Variants in SPCS2 observed in about 807,000 individuals in gnomAD.
SPCS2 encodes SPase 25 kDa subunit.
Under a neutral mutation model 22.3 loss-of-function variants are expected in SPCS2, and 3 were observed. The ratio of observed to expected loss-of-function variants is 0.13; its 90% CI spans 0.06 to 0.35. The LOEUF is 0.35. Ranked by LOEUF, SPCS2 falls within the 10% of genes least tolerant of loss-of-function variation. The probability of loss-of-function intolerance (pLI) is 1.00; values close to 1 mark genes in which losing one functional copy is unlikely to be tolerated. For missense variants in SPCS2, 169 were observed against 280.9 expected (o/e 0.60, Z 2.85); for synonymous variants, 67 against 97.2 (o/e 0.69, Z 1.83).
intron 1 of SPCS2, among the ~76,000 whole-genome samples, chr11:74,964,155 C>G (rs938591229): frequency 6.6e-5 from 10 of 152,254 alleles, no homozygotes; most frequent in Non-Finnish European, 8.8e-5. Flanking sequence ...TTCACTATTA[C>G]AGACAATGCT....
chr11:74,955,853 TA>T (rs1948475283), intron 1 of SPCS2, among the ~76,000 whole-genome samples: 1 of 70,734 alleles, frequency 1.4e-5, no homozygotes, highest in South Asian at 3.9e-4. Flanking sequence ...CTAATTAAAA[TA>T]TATATATATA....
chr11:74,960,819 A>G (rs1948509527), intron 1 of SPCS2, among the ~76,000 whole-genome samples: 1 of 152,186 alleles, frequency 6.6e-6, no homozygotes, highest in South Asian at 2.1e-4. Context: ...GATAGTGTAT[A>G]TAAAATACTT....
chr11:74,961,095 G>A (rs1948511534), intron 1 of SPCS2, among the ~76,000 whole-genome samples: 1 of 150,958 alleles, frequency 6.6e-6, no homozygotes, highest in African/African-American at 2.4e-5. Flanking sequence ...ATACAAAAGT[G>A]TATAGTCCCT....
chr11:74,949,824 A>T (rs1223158136), intron 1 of SPCS2, among the ~76,000 whole-genome samples: 2 of 152,166 alleles, frequency 1.3e-5, no homozygotes, highest in Non-Finnish European at 2.9e-5. Flanking sequence ...ACAGATTCCA[A>T]AGTGCTTCTT....
At chr11:74,949,950 T>C (rs1288481354) in intron 1 of SPCS2, among the ~76,000 whole-genome samples, 1 of 152,180 alleles carries the variant, frequency 6.6e-6, no homozygotes, top group African/African-American at 2.4e-5. Flanking sequence ...TTTTCTTTTT[T>C]TCCTGTTGTT....
chr11:74,976,299 A>G (rs1029226627), intron 4 of SPCS2, among the ~76,000 whole-genome samples: 18 of 152,376 alleles, frequency 1.2e-4, no homozygotes, highest in South Asian at 2.1e-4. Flanking sequence ...TGAAGAAAGT[A>G]GTACACATCA....
rs60855711 is a variant in SPCS2, at chr11:74,955,851, A to AATATATATATATATATATATATATATAT, written c.114+6461_114+6488dup. Among the ~76,000 whole-genome samples the AATATATATATATATATATATATATATAT allele has an allele frequency of 3.0e-3, 168 of 55,538 alleles. 16 individuals carry two copies. Among genetic ancestry groups the AATATATATATATATATATATATATATAT allele is most frequent in the East Asian group, 5.1e-3 (6 of 1,172 alleles). 36.4% of individuals were successfully genotyped at this position (55,538 alleles called of 152,430 possible). Reference sequence around the variant, plus strand: ...TACTATTACTTTAATTACTAATTAAAATATATATATATATATATATATATA... The same window carrying AATATATATATATATATATATATATATAT: ...TACTATTACTTTAATTACTAATTAAAATATATATATATATATATATATATATATATATATATATATATATATATATATA... On this transcript the variant is annotated intron_variant, in intron 1 of 4. Coordinates refer to ENST00000263672, the MANE Select transcript of SPCS2 (RefSeq NM_014752.3).
In SPCS2 at chr11:74,949,363, C is replaced by T. The variant is rs1271845392; in HGVS notation, c.78C>T (p.Cys26=). 1.3e-6 allele frequency: 2 copies of T among 1,551,534 alleles called. No homozygotes were observed. The highest frequency in any genetic ancestry group is 1.4e-5 in the African/African-American group (1 of 73,170). ...GTGGGGCTGGTGGTGCTTCCAACTG[C>T]GGGACAGGAAGTGGCCGTAGCGGCT... The part of the protein sequence containing the change: ...GCSGAGGASN[C]GTGSGRSGLL... The change falls in exon 1 of 5, where the codon TGC becomes TGT. Residue 26 remains cysteine (C), a synonymous_variant. Coordinates refer to ENST00000263672, the MANE Select transcript of SPCS2 (RefSeq NM_014752.3).
intron 1 of SPCS2, among the ~76,000 whole-genome samples, chr11:74,955,851 AATATATAT>A (rs60855711): frequency 0.019 from 1,055 of 55,590 alleles, 107 homozygotes; most frequent in East Asian, 0.11. Flanking sequence ...TACTAATTAA[AATATATAT>A]ATATATATAT....
chr11:74,958,468 C>T (rs1007944944), intron 1 of SPCS2, among the ~76,000 whole-genome samples: 2 of 152,128 alleles, frequency 1.3e-5, no homozygotes, highest in Non-Finnish European at 2.9e-5. Context: ...TCATTTTCTT[C>T]CCAAACTGAA....
chr11:74,966,006 G>A lies in SPCS2; in HGVS notation c.359+83G>A, dbSNP rs1948543156. 9 of 1,312,386 alleles carry A rather than the reference G, an allele frequency of 6.9e-6. No individual in the cohort carries two copies. In the East Asian group the frequency reaches 1.2e-4, roughly 17 times the overall value. The allele number at this position is 1,312,386 out of a possible 1,614,324, so 81.3% of individuals were successfully genotyped here. ...TATTTCTCCCTACAAAAAACAAAAC[G>A]GACTTTCATATTAGGGCTTGCTAAT... On this transcript the variant is annotated intron_variant, in intron 3 of 4. Coordinates refer to ENST00000263672, the MANE Select transcript of SPCS2 (RefSeq NM_014752.3).
At chr11:74,959,603 A>G (rs972553808) in intron 1 of SPCS2, among the ~76,000 whole-genome samples, 9 of 152,122 alleles carry the variant, frequency 5.9e-5, no homozygotes, top group African/African-American at 1.4e-4. Flanking sequence ...GAGTCTTGCT[A>G]TGTTGCCCAG....
intron 1 of SPCS2, among the ~76,000 whole-genome samples, chr11:74,954,654 C>G (rs984139588): frequency 6.6e-6 from 1 of 152,170 alleles, no homozygotes; most frequent in Non-Finnish European, 1.5e-5. Context: ...TTTAATGAAA[C>G]AAGGTGCTGG....
chr11:74,972,281 C>G (rs1001506311), intron 4 of SPCS2, among the ~76,000 whole-genome samples: 20 of 152,168 alleles, frequency 1.3e-4, no homozygotes, highest in Non-Finnish European at 1.5e-5. Flanking sequence ...CCAGGCTGGA[C>G]TTGAACTCGT....
intron 1 of SPCS2, chr11:74,963,567 G>T (rs7925036): frequency 4.9e-6 from 2 of 410,110 alleles, no homozygotes; most frequent in East Asian, 7.8e-5. Flanking sequence ...TTGTTTGTTT[G>T]TTTATTTATT....
intron 1 of SPCS2, among the ~76,000 whole-genome samples, chr11:74,964,537 A>G: frequency 6.6e-6 from 1 of 152,160 alleles, no homozygotes; most frequent in East Asian, 1.9e-4. Flanking sequence ...ATTAAAGGAG[A>G]TCCTCCCCAT....
At chr11:74,967,190 T>C (rs1693554724) in intron 3 of SPCS2, among the ~76,000 whole-genome samples, 1 of 152,248 alleles carries the variant, frequency 6.6e-6, no homozygotes, top group Non-Finnish European at 1.5e-5. Context: ...GATCCTTGAC[T>C]CCTTTCAGTA....
At chr11:74,976,767 C>T (rs1948616123) in intron 4 of SPCS2, 90 bp from the exon 5 acceptor site, 2 of 1,539,694 alleles carry the variant, frequency 1.3e-6, no homozygotes, top group East Asian at 2.3e-5. Context: ...CCAGCTTACT[C>T]CTTTTCTTCG....
chr11:74,952,576 C>T (rs149099176), intron 1 of SPCS2, among the ~76,000 whole-genome samples: 47 of 152,222 alleles, frequency 3.1e-4, no homozygotes, highest in African/African-American at 1.0e-3. Context: ...CTCAGCCTCC[C>T]AAAGTACTGG....
Sources: allele counts gnomAD v4.1 joint callset (sites outside exome capture counted in the v4.1 genomes callset), GRCh38; gene constraint gnomAD v4.1.1; transcripts MANE v1.5; gene names NCBI Gene and HGNC (gene_info 2026-07-23, HGNC 2026-07-21).